Variants in HLA-DQA1 observed in about 807,000 individuals in gnomAD.
HLA-DQA1 encodes HLA class II histocompatibility antigen, DQ alpha 1 chain.
A neutral mutation model predicts 20.7 loss-of-function variants in HLA-DQA1; 10 were observed. That is an observed-to-expected ratio of 0.48 (90% CI 0.30 to 0.82). The LOEUF is 0.82. Ranked by LOEUF, HLA-DQA1 falls within the 40% of genes least tolerant of loss-of-function variation. The pLI is 0.07. For synonymous variants in HLA-DQA1, 39 were observed against 109.2 expected, an observed-to-expected ratio of 0.36 and a Z score of 4.01; for missense variants, 127 against 293.0, an observed-to-expected ratio of 0.43 and a Z score of 4.14.
intron 1 of HLA-DQA1, among the ~76,000 whole-genome samples, chr6:32,638,006 C>T (rs1781016043): frequency 8.1e-6 from 1 of 124,186 alleles, no homozygotes; most frequent in Non-Finnish European, 1.8e-5. Context: ...TTCTCTCAGA[C>T]TTACTCACAT....
chr6:32,650,844 T>TATA (rs199519440), downstream of HLA-DQA1, among the ~76,000 whole-genome samples: 2,792 of 63,538 alleles, frequency 0.044, 765 homozygotes, highest in Non-Finnish European at 0.066. Context: ...GAGCTTAAAG[T>TATA]ATAATAATAA....
At position 32,643,015 on chromosome 6, in the gene HLA-DQA1, C is replaced by A. The variant is rs962001002; in HGVS notation, c.*84C>A. On this transcript the variant is annotated 3_prime_UTR_variant, in exon 5 of 5. Coordinates refer to ENST00000343139, the MANE Select transcript of HLA-DQA1 (RefSeq NM_002122.5). ...TAAATGACCTAGCACTATTCTCTGG[C>A]CCGATTTATCATATCCCTTTTCTCC... 4.9e-5 allele frequency: 20 copies of A among 410,032 alleles called. 5 individuals carry two copies. The highest frequency in any genetic ancestry group is 3.7e-4 in the African/African-American group (14 of 37,542). 25.4% of individuals were successfully genotyped at this position (410,032 alleles called of 1,614,324 possible).
chr6:32,643,111 C>A lies in HLA-DQA1; in HGVS notation c.*180C>A, dbSNP rs191251309. ...ATATCCCCTCAGAGCTCACAAATGC[C>A]TTTACATTCTTTCCCTGACCTCCTG... On this transcript the variant is annotated 3_prime_UTR_variant, in exon 5 of 5. Transcript: ENST00000343139. 373 of 351,052 alleles carry A rather than the reference C, an allele frequency of 1.1e-3. 78 individuals carry two copies. The highest frequency in any genetic ancestry group is 8.8e-3 in the African/African-American group (336 of 37,976). 21.7% of individuals were successfully genotyped at this position (351,052 alleles called of 1,614,324 possible).
chr6:32,654,065 T>C, the HLA-DQA1 span, among the ~76,000 whole-genome samples: 3 of 100,590 alleles, frequency 3.0e-5, no homozygotes, highest in Admixed American at 1.2e-4. Context: ...TCCCACCACT[T>C]TGGGAGGCTG....
chr6:32,643,859 A>G (rs1028180550), downstream of HLA-DQA1: 8 of 151,840 alleles, frequency 5.3e-5, no homozygotes, highest in Middle Eastern at 3.4e-3. Context: ...GTTAGTGACA[A>G]TGGGAAAAGG....
chr6:32,644,488 C>T (rs9273072), downstream of HLA-DQA1: 2 of 151,636 alleles, frequency 1.3e-5, no homozygotes, highest in Non-Finnish European at 2.9e-5. Flanking sequence ...AGTAATAATA[C>T]TTTCCTTGCA....
rs1477193900 is a variant in HLA-DQA1, at chr6:32,640,225, A to G, written c.83-1085A>G. ...TCCTCCTCAGAGAACTTACTACAGT[A>G]CATTGTATCTGTTCCCTTACCTACC... On this transcript the variant is annotated intron_variant, in intron 1 of 4. Transcript: ENST00000343139. 3.0e-5 allele frequency among the ~76,000 whole-genome samples: 3 copies of G among 98,542 alleles called. 1 individual carries two copies. The East Asian group carries it at 9.6e-4, about 32-fold the overall frequency. 64.6% of individuals were successfully genotyped at this position (98,542 alleles called of 152,430 possible).
the HLA-DQA1 span, among the ~76,000 whole-genome samples, chr6:32,654,270 T>C: frequency 0.81 from 66,577 of 82,418 alleles, 29,815 homozygotes; most frequent in South Asian, 0.98. Flanking sequence ...TACCACTGCA[T>C]TCCAGCCAGA....
rs541922687 is a variant in HLA-DQA1, at chr6:32,637,784, C to T, written c.82+244C>T. ...TTATATTATATTCAGTGACTACGGC[C>T]TGGAGGTCTCTATGTCGTTCCATCA... On this transcript the variant is annotated intron_variant, in intron 1 of 4. Transcript: ENST00000343139. Among the ~76,000 whole-genome samples, 384 of 114,828 alleles carry T rather than the reference C, an allele frequency of 3.3e-3. 24 individuals carry two copies. The East Asian group carries it at 0.067, about 20-fold the overall frequency. The allele number at this position is 114,828 out of a possible 152,430, so 75.3% of individuals were successfully genotyped here.
rs148503102 is a variant in HLA-DQA1 at position 32,638,975 on chromosome 6, A to G, written c.82+1435A>G. 137 of 357,870 alleles carry G rather than the reference A, an allele frequency of 3.8e-4. 17 individuals carry two copies. Among genetic ancestry groups the G allele is most frequent in the Middle Eastern group, 2.2e-3 (5 of 2,232 alleles). The allele number at this position is 357,870 out of a possible 1,614,324, so 22.2% of individuals were successfully genotyped here. A position where few individuals can be genotyped will look rare whatever the true frequency, so the allele number is the denominator to read the frequency against. ...CAGTGGGTTTGTAAAACAAAAGTTGAAAAGTCAGATAGTTAAAAGGGGAAG... is the reference window on the plus strand; with the variant it reads ...CAGTGGGTTTGTAAAACAAAAGTTGGAAAGTCAGATAGTTAAAAGGGGAAG... On this transcript the variant is annotated intron_variant, in intron 1 of 4. Transcript: ENST00000343139.
the HLA-DQA1 span, among the ~76,000 whole-genome samples, chr6:32,654,237 A>G: frequency 9.8e-6 from 1 of 102,090 alleles, no homozygotes; most frequent in African/African-American, 3.3e-5. Context: ...CCAGGAAGTC[A>G]AGGCTGCAGT....
downstream of HLA-DQA1, chr6:32,646,588 C>T (rs192019506): frequency 2.1e-5 from 2 of 95,622 alleles, 1 homozygote; most frequent in Non-Finnish European, 4.7e-5. Flanking sequence ...ATAAAACTTA[C>T]AAAATTTTAA....
Position 32,642,727 on chromosome 6 carries a change from G to A in HLA-DQA1, c.731G>A (p.Arg244His), listed in dbSNP as rs767929297. 6.2e-5 allele frequency: 72 copies of A among 1,170,636 alleles called. 19 individuals are homozygous for A. The highest frequency in any genetic ancestry group is 2.4e-4 in the East Asian group (8 of 33,166). 72.5% of individuals were successfully genotyped at this position (1,170,636 alleles called of 1,614,324 possible). ...VGTVFIIQGL[R>H]SVGASRHQGP... ...ACTGTCTTCATCATCCAAGGCCTGC[G>A]TTCAGTTGGTGCTTCCAGACACCAA... The change falls in exon 4 of 5, where the codon CGT becomes CAT. Residue 244 changes from arginine (R) to histidine (H), a missense_variant. This residue lies in a region of HLA-DQA1 where 46 missense variants were observed against 152.1 expected (regional missense o/e 0.30). Coordinates refer to ENST00000343139, the MANE Select transcript of HLA-DQA1 (RefSeq NM_002122.5).
downstream of HLA-DQA1, among the ~76,000 whole-genome samples, chr6:32,650,687 C>A (rs1782142377): frequency 1.2e-5 from 1 of 82,362 alleles, no homozygotes; most frequent in Non-Finnish European, 2.6e-5. Context: ...ACATTACACA[C>A]AGGGGCCTGT....
At chr6:32,641,842 C>CGTTACAATGTGTCGTTGCTTACCCAA in intron 2 of HLA-DQA1, 130 bp from the exon 3 acceptor site, 1 of 593,602 alleles carries the variant, frequency 1.7e-6, no homozygotes, top group Non-Finnish European at 2.7e-6. Context: ...TGCTCCCAAG[C>CGTTACAATGTGTCGTTGCTTACCCAA]AGAAGGTAAA....
downstream of HLA-DQA1, among the ~76,000 whole-genome samples, chr6:32,650,847 A>G (rs139942098): frequency 0.01 from 125 of 11,926 alleles, 35 homozygotes; most frequent in South Asian, 0.38. Context: ...CTTAAAGTAT[A>G]ATAATAATAA....
In HLA-DQA1 at chr6:32,642,257, A is replaced by G. The variant is rs780382246; in HGVS notation, c.613+4A>G. The G allele has an allele frequency of 7.6e-5, 104 of 1,362,982 alleles. 11 individuals are homozygous for G. The South Asian group carries it at 8.8e-4, about 12-fold the overall frequency. 84.4% of individuals were successfully genotyped at this position (1,362,982 alleles called of 1,614,324 possible). Reference sequence around the variant, plus strand: ...CAGCCTCTTCTGAAACACTGGGGTAAGGATGAGTTTCATCATTTTTTGATT... The same window carrying G: ...CAGCCTCTTCTGAAACACTGGGGTAGGGATGAGTTTCATCATTTTTTGATT... On this transcript the variant is annotated splice_donor_region_variant and intron_variant, in intron 3 of 4. Transcript: ENST00000343139.
chr6:32,638,230 A>AGGAG (rs879290762), intron 1 of HLA-DQA1, among the ~76,000 whole-genome samples: 712 of 103,260 alleles, frequency 6.9e-3, no homozygotes, highest in East Asian at 0.013. Flanking sequence ...TATTACAGAT[A>AGGAG]TAGCTTCACA....
chr6:32,647,289 G>A (rs1234661498), downstream of HLA-DQA1, among the ~76,000 whole-genome samples: 4 of 97,388 alleles, frequency 4.1e-5, 2 homozygotes, highest in Admixed American at 5.0e-4. Context: ...CCAACATGGC[G>A]AAACCCTGTC....
Sources: allele counts gnomAD v4.1 joint callset (sites outside exome capture counted in the v4.1 genomes callset), GRCh38; gene constraint gnomAD v4.1.1; regional missense constraint gnomAD v4.1.1; transcripts MANE v1.5; gene names NCBI Gene and HGNC (gene_info 2026-07-23, HGNC 2026-07-21).